The following LAPTM4B variants were observed in gnomAD, a reference collection of about 807,000 sequenced individuals.
LAPTM4B encodes the protein lysosomal protein transmembrane 4 beta, also known as lysosomal-associated transmembrane protein 4B.
Under a neutral mutation model 28.5 loss-of-function variants are expected in LAPTM4B, and 26 were observed. The ratio of observed to expected loss-of-function variants is 0.91; its 90% CI spans 0.67 to 1.27. The LOEUF is 1.27. Ranked by LOEUF, LAPTM4B falls within the 50% of genes most tolerant of loss-of-function variation. The pLI is 0.00. For synonymous variants in LAPTM4B, 109 were observed against 106.4 expected, an observed-to-expected ratio of 1.02 and a Z score of -0.15; for missense variants, 288 against 285.8, an observed-to-expected ratio of 1.01 and a Z score of -0.06.
intron 6 of LAPTM4B, among the ~76,000 whole-genome samples, chr8:97,835,521 A>C (rs1226565864): frequency 6.6e-6 from 1 of 152,188 alleles, no homozygotes; most frequent in Non-Finnish European, 1.5e-5. Context: ...CGCCCCCAGC[A>C]CCCTTAGGCC....
intron 1 of LAPTM4B, among the ~76,000 whole-genome samples, chr8:97,787,634 A>G (rs535305557): frequency 2.0e-5 from 3 of 152,222 alleles, no homozygotes; most frequent in African/African-American, 7.2e-5. Context: ...GGTTAATAAT[A>G]TCTTTGTCTT....
intron 6 of LAPTM4B, among the ~76,000 whole-genome samples, chr8:97,841,069 G>A: frequency 6.7e-6 from 1 of 149,526 alleles, no homozygotes; most frequent in Non-Finnish European, 1.5e-5. Flanking sequence ...CCCAGACAGT[G>A]GGGAGCTGGG....
chr8:97,819,873 C>T (rs1816977765), intron 5 of LAPTM4B, among the ~76,000 whole-genome samples: 1 of 151,800 alleles, frequency 6.6e-6, no homozygotes, highest in African/African-American at 2.4e-5. Context: ...TAGGTGGGAC[C>T]ACAGATACCC....
At chr8:97,805,516 C>A in intron 2 of LAPTM4B, 52 bp downstream of exon 2, 1 of 946,974 alleles carries the variant, frequency 1.1e-6, no homozygotes, top group Non-Finnish European at 1.7e-6. Flanking sequence ...TGACTGCCAG[C>A]ACTTCCTATT....
intron 2 of LAPTM4B, among the ~76,000 whole-genome samples, chr8:97,812,158 T>C (rs1816838744): frequency 6.6e-6 from 1 of 151,864 alleles, no homozygotes; most frequent in East Asian, 1.9e-4. Flanking sequence ...AAAAGTAGCA[T>C]ACTCTACATC....
At chr8:97,839,381 C>T (rs550974736) in intron 6 of LAPTM4B, among the ~76,000 whole-genome samples, 21 of 152,028 alleles carry the variant, frequency 1.4e-4, no homozygotes, top group South Asian at 2.1e-4. Flanking sequence ...TTAGTAGAGA[C>T]GGGGTTTCAC....
chr8:97,849,879 C>G (rs1817495074), intron 6 of LAPTM4B, among the ~76,000 whole-genome samples: 1 of 149,070 alleles, frequency 6.7e-6, no homozygotes, highest in Non-Finnish European at 1.5e-5. Flanking sequence ...GCAGTGCTCC[C>G]CAGGGCCCAG....
chr8:97,806,644 G>A (rs147338445), intron 2 of LAPTM4B, among the ~76,000 whole-genome samples: 27 of 152,220 alleles, frequency 1.8e-4, no homozygotes, highest in African/African-American at 5.5e-4. Context: ...GGGACCCAGG[G>A]GGAGGTAATT....
chr8:97,851,710 AC>A lies in LAPTM4B; in HGVS notation c.*237del. On this transcript the variant is annotated 3_prime_UTR_variant, in exon 7 of 7. Coordinates refer to ENST00000521545, the MANE Select transcript of LAPTM4B (RefSeq NM_018407.6). ...TACGATTGGGGATATAATGGGCTTC[AC>A]TAACCTTCCCTAGGCATTGAAACTT... 1 of 543,582 alleles carries A rather than the reference AC, an allele frequency of 1.8e-6. No homozygotes were observed. Among genetic ancestry groups the A allele is most frequent in the Non-Finnish European group, 3.3e-6 (1 of 306,208 alleles). The allele number at this position is 543,582 out of a possible 1,614,324, so 33.7% of individuals were successfully genotyped here.
At chr8:97,776,156 C>G (rs931442299) in intron 1 of LAPTM4B, 48 bp downstream of exon 1, 5 of 1,503,220 alleles carry the variant, frequency 3.3e-6, no homozygotes, top group East Asian at 5.3e-5. Context: ...TTCCGCGCCC[C>G]TAGCTGGGCT....
At chr8:97,833,592 C>T (rs1817217220) in intron 6 of LAPTM4B, among the ~76,000 whole-genome samples, 1 of 152,170 alleles carries the variant, frequency 6.6e-6, no homozygotes, top group Admixed American at 6.5e-5. Flanking sequence ...GGTTGTCCCA[C>T]AGTCTAGATG....
intron 1 of LAPTM4B, chr8:97,788,113 A>G (rs1586320395): frequency 6.4e-6 from 1 of 155,048 alleles, no homozygotes; most frequent in Non-Finnish European, 1.4e-5. Context: ...AAAACGTCCA[A>G]CTGTCCAGAT....
intron 1 of LAPTM4B, among the ~76,000 whole-genome samples, chr8:97,793,486 A>G (rs889942160): frequency 4.6e-5 from 7 of 152,242 alleles, no homozygotes; most frequent in Non-Finnish European, 1.0e-4. Context: ...ATTTCTAAAC[A>G]GAATATCAGT....
chr8:97,817,904 T>A (rs768656792), intron 4 of LAPTM4B, among the ~76,000 whole-genome samples: 2 of 151,618 alleles, frequency 1.3e-5, no homozygotes, highest in Non-Finnish European at 1.5e-5. Flanking sequence ...ACCTCAATCT[T>A]CTGGGCTCAA....
rs534241928 is a variant in LAPTM4B, at chr8:97,819,214, T to C, written c.483T>C (p.Phe161=). Residue 161 remains phenylalanine (F), a synonymous_variant, in exon 5 of 7, where the codon TTT becomes TTC. Transcript: ENST00000521545. ...GTTTGGTCCTTATTATTCTTCTGTT[T>C]ATTAGCATTATCTTGACTTTTAAGG... The part of the protein sequence containing the change: ...PTCLVLIILL[F]ISIILTFKGY... The C allele has an allele frequency of 2.5e-6, 4 of 1,596,226 alleles. No homozygotes were observed. In the South Asian group the frequency reaches 4.4e-5, roughly 18 times the overall value.
intron 6 of LAPTM4B, among the ~76,000 whole-genome samples, chr8:97,849,872 G>A (rs1328755134): frequency 1.4e-5 from 2 of 147,618 alleles, no homozygotes; most frequent in East Asian, 2.0e-4. Flanking sequence ...CTTGCTGGCA[G>A]TGCTCCCCAG....
At chr8:97,836,807 G>C (rs889179865) in intron 6 of LAPTM4B, among the ~76,000 whole-genome samples, 1 of 152,068 alleles carries the variant, frequency 6.6e-6, no homozygotes, top group East Asian at 1.9e-4. Context: ...AACATTATAT[G>C]CAAACTTATT....
chr8:97,836,138 A>C (rs7004748), intron 6 of LAPTM4B, among the ~76,000 whole-genome samples: 59,395 of 151,744 alleles, frequency 0.39, 12,224 homozygotes, highest in Non-Finnish European at 0.46. Flanking sequence ...CTGCCGATGT[A>C]GATTATGGTA....
intron 1 of LAPTM4B, among the ~76,000 whole-genome samples, chr8:97,781,032 C>T (rs1027564488): frequency 2.0e-5 from 3 of 151,874 alleles, no homozygotes; most frequent in African/African-American, 7.3e-5. Flanking sequence ...CTCTGACGCC[C>T]AGGCTGGAGT....
Sources: allele counts gnomAD v4.1 joint callset (sites outside exome capture counted in the v4.1 genomes callset), GRCh38; gene constraint gnomAD v4.1.1; transcripts MANE v1.5; gene names NCBI Gene and HGNC (gene_info 2026-07-23, HGNC 2026-07-21).